Variants in PTPRH observed in about 807,000 individuals in gnomAD.
PTPRH encodes protein tyrosine phosphatase receptor type H.
A neutral mutation model predicts 130.2 loss-of-function variants in PTPRH; 113 were observed. The observed-to-expected ratio is 0.87, with a 90% CI of 0.75 to 1.01. The LOEUF (loss-of-function observed/expected upper bound fraction) is 1.01, where lower values mean the gene tolerates loss of function less well. Ranked by LOEUF, PTPRH falls within the 50% of genes least tolerant of loss-of-function variation. The probability of loss-of-function intolerance (pLI) is 0.00; values close to 1 mark genes in which losing one functional copy is unlikely to be tolerated. For synonymous variants in PTPRH, 556 were observed against 577.9 expected (o/e 0.96, Z 0.54); for missense variants, 1,430 against 1,425.0 (o/e 1.00, Z -0.06).
intron 5 of PTPRH, among the ~76,000 whole-genome samples, chr19:55,203,460 G>T (rs746004826): frequency 6.6e-6 from 1 of 150,848 alleles, no homozygotes; most frequent in South Asian, 2.1e-4. Flanking sequence ...CTGTTGCCCA[G>T]GCTGGAGTGC....
At chr19:55,187,280 G>C (rs1167261878) in intron 14 of PTPRH, among the ~76,000 whole-genome samples, 5 of 133,240 alleles carry the variant, frequency 3.8e-5, no homozygotes, top group African/African-American at 1.2e-4. Flanking sequence ...GGGAGGCGGA[G>C]CTTGCAGTGA....
intron 4 of PTPRH, among the ~76,000 whole-genome samples, chr19:55,204,590 C>A (rs973470039): frequency 6.6e-6 from 1 of 151,960 alleles, no homozygotes; most frequent in South Asian, 2.1e-4. Flanking sequence ...TGCACTCCCC[C>A]CCACCCTTTT....
chr19:55,203,771 C>T lies in PTPRH; in HGVS notation c.886+11G>A. ...AAAAGAAATAAAAATAAAACAGCGG[C>T]TGCCTCTTACCTGTGGCACTAGTGA... On this transcript the variant is annotated intron_variant, in intron 5 of 19. Coordinates refer to ENST00000376350, the MANE Select transcript of PTPRH (RefSeq NM_002842.5). The T allele has an allele frequency of 6.3e-7, 1 of 1,591,224 alleles. No individual in the cohort carries two copies. Among genetic ancestry groups the T allele is most frequent in the Non-Finnish European group, 8.6e-7 (1 of 1,163,558 alleles).
chr19:55,200,649 CT>C, intron 6 of PTPRH, 147 bp from the exon 7 acceptor site: 1 of 963,804 alleles, frequency 1.0e-6, no homozygotes, highest in Non-Finnish European at 1.5e-6. Flanking sequence ...GACCGTGTTT[CT>C]CAGACTAATG....
intron 18 of PTPRH, among the ~76,000 whole-genome samples, chr19:55,182,996 A>G (rs529995904): frequency 4.6e-5 from 7 of 151,482 alleles, no homozygotes; most frequent in Non-Finnish European, 8.8e-5. Context: ...GGGTCTTGCC[A>G]TGTTGCCCAG....
chr19:55,203,747 A>C lies in PTPRH; in HGVS notation c.886+35T>G, dbSNP rs746056600. The C allele has an allele frequency of 5.1e-6, 8 of 1,576,020 alleles. No homozygotes were observed. In the South Asian group the frequency reaches 9.3e-5, roughly 18 times the overall value. ...ACCACCCCCTACCACTGTCCTTATA[A>C]AAGAAATAAAAATAAAACAGCGGCT... On this transcript the variant is annotated intron_variant, in intron 5 of 19. Transcript: ENST00000376350.
intron 3 of PTPRH, among the ~76,000 whole-genome samples, chr19:55,205,824 A>G (rs1290427755): frequency 6.6e-6 from 1 of 152,248 alleles, no homozygotes; most frequent in Non-Finnish European, 1.5e-5. Context: ...TTCGTATGAA[A>G]TTAAGAATGT....
At position 55,196,719 on chromosome 19, in the gene PTPRH, G is replaced by C. The variant is rs1295661825; in HGVS notation, c.2060C>G (p.Ser687Cys). 2 of 1,613,982 alleles carry C rather than the reference G, an allele frequency of 1.2e-6. No individual in the cohort carries two copies. Among genetic ancestry groups the C allele is most frequent in the South Asian group, 2.2e-5 (2 of 91,080 alleles). Residue 687 changes from serine to cysteine, a missense_variant, in exon 10 of 20, where the codon TCC becomes TGC. By Grantham distance (112) the Ser-to-Cys change is moderately radical. Transcript: ENST00000376350. ...SAGYGVNLIW[S>C]CPQGGYEAFE... ...GGCCTCGTAGCCTCCCTGGGGGCAG[G>C]ACCAGATCAAGTTGACTCCATAGCC...
intron 1 of PTPRH, 83 bp from the exon 2 acceptor site, chr19:55,207,282 G>A: frequency 2.0e-6 from 3 of 1,479,292 alleles, no homozygotes; most frequent in Non-Finnish European, 2.8e-6. Flanking sequence ...AGGAGCGGCT[G>A]GTCCCCGCCC....
At chr19:55,204,606 C>T (rs2086984299) in intron 4 of PTPRH, among the ~76,000 whole-genome samples, 2 of 152,002 alleles carry the variant, frequency 1.3e-5, no homozygotes, top group African/African-American at 4.8e-5. Context: ...CTTTTTCTCC[C>T]CCACCAGTGT....
intron 4 of PTPRH, among the ~76,000 whole-genome samples, chr19:55,204,352 A>C (rs1433359120): frequency 6.6e-6 from 1 of 151,874 alleles, no homozygotes; most frequent in East Asian, 1.9e-4. Context: ...TGATCCTCCC[A>C]CCTCGGCCTC....
chr19:55,184,478 A>G (rs888213555), intron 18 of PTPRH, among the ~76,000 whole-genome samples: 2 of 151,902 alleles, frequency 1.3e-5, no homozygotes, highest in Non-Finnish European at 2.9e-5. Context: ...AATCTGACCT[A>G]CGGGACTTCA....
chr19:55,187,131 G>A (rs1012923146), intron 14 of PTPRH, among the ~76,000 whole-genome samples: 5 of 151,198 alleles, frequency 3.3e-5, no homozygotes, highest in Admixed American at 6.6e-5. Flanking sequence ...AGATCACAAG[G>A]TCAGGAGATC....
Position 55,181,658 on chromosome 19 carries a change from C to A in PTPRH, c.*96G>T, listed in dbSNP as rs1406140313. ...CCCTCCTCCCACAGCACCCAGGAGTCTGGGAGCCCAGCCCTCTGCTCTTCC... is the reference window on the plus strand; with the variant it reads ...CCCTCCTCCCACAGCACCCAGGAGTATGGGAGCCCAGCCCTCTGCTCTTCC... On this transcript the variant is annotated 3_prime_UTR_variant, in exon 20 of 20. Coordinates refer to ENST00000376350, the MANE Select transcript of PTPRH (RefSeq NM_002842.5). The A allele has an allele frequency of 8.5e-6, 13 of 1,526,808 alleles. No individual in the cohort carries two copies. In the African/African-American group the frequency reaches 1.6e-4, roughly 19 times the overall value. The allele number at this position is 1,526,808 out of a possible 1,614,324, so 94.6% of individuals were successfully genotyped here.
chr19:55,189,716 C>T, intron 12 of PTPRH: 1 of 456,028 alleles, frequency 2.2e-6, no homozygotes, highest in Non-Finnish European at 4.4e-6. Context: ...TGCAGCGGCT[C>T]ACGCCTGTGA....
intron 3 of PTPRH, among the ~76,000 whole-genome samples, chr19:55,206,191 C>T (rs2087046329): frequency 6.6e-6 from 1 of 151,632 alleles, no homozygotes; most frequent in Non-Finnish European, 1.5e-5. Flanking sequence ...CAAGATCATG[C>T]CACTGCACTC....
intron 12 of PTPRH, chr19:55,189,796 C>T (rs879520117): frequency 6.7e-6 from 3 of 450,454 alleles, no homozygotes; most frequent in African/African-American, 2.0e-5. Context: ...GCCTGGGCAA[C>T]CTGGTAAGAC....
At chr19:55,192,722 T>G (rs1467842026) in intron 10 of PTPRH, among the ~76,000 whole-genome samples, 1 of 151,292 alleles carries the variant, frequency 6.6e-6, no homozygotes, top group Non-Finnish European at 1.5e-5. Context: ...TGGCTAATTT[T>G]TTGTATTTTT....
Position 55,194,607 on chromosome 19 carries a change from C to G in PTPRH, c.2257+1915G>C, listed in dbSNP as rs553360553. Among the ~76,000 whole-genome samples the G allele has an allele frequency of 3.9e-4, 59 of 152,292 alleles. 2 individuals carry two copies. In the South Asian group the frequency reaches 0.012, roughly 30 times the overall value. On this transcript the variant is annotated intron_variant, in intron 10 of 19. Coordinates refer to ENST00000376350, the MANE Select transcript of PTPRH (RefSeq NM_002842.5). The stretch of plus-strand genomic sequence containing the variant: ...GAAGCTTATGGCCATGGTCTTGGTA[C>G]ATGGCCAGGTCTTTCCAAAGCTTAA...
Sources: gnomAD v4.1 joint callset for allele counts (sites outside exome capture counted in the v4.1 genomes callset) on GRCh38, gnomAD v4.1.1 for gene constraint, MANE v1.5 for transcripts, NCBI Gene and HGNC (gene_info 2026-07-23, HGNC 2026-07-21) for gene names.